The following TBC1D5 variants were observed in gnomAD, a reference collection of about 807,000 sequenced individuals.
TBC1D5 encodes TBC1 domain family, member 5.
In TBC1D5, 75 loss-of-function variants were observed where a neutral mutation model predicts 100.3. The observed-to-expected ratio is 0.75, with a 90% CI of 0.62 to 0.91. The LOEUF (loss-of-function observed/expected upper bound fraction) is 0.91. TBC1D5 is among the 40% of genes least tolerant of loss of function. TBC1D5 has a pLI of 0.00. For missense variants in TBC1D5, 910 were observed against 942.4 expected, an observed-to-expected ratio of 0.97 and a Z score of 0.45; for synonymous variants, 323 against 325.6, an observed-to-expected ratio of 0.99 and a Z score of 0.09.
At chr3:17,699,546 T>TA (rs1374848315) in intron 1 of TBC1D5, among the ~76,000 whole-genome samples, 24 of 91,424 alleles carry the variant, frequency 2.6e-4, no homozygotes, top group Non-Finnish European at 4.8e-4. Flanking sequence ...AGTATAATAA[T>TA]AATAAATAGA....
At chr3:17,588,617 C>A (rs1384187006) in intron 2 of TBC1D5, among the ~76,000 whole-genome samples, 1 of 152,052 alleles carries the variant, frequency 6.6e-6, no homozygotes, top group Non-Finnish European at 1.5e-5. Context: ...CCTCTTTTTT[C>A]TGCTGACTGT....
intron 2 of TBC1D5, among the ~76,000 whole-genome samples, chr3:17,527,854 A>T (rs935194186): frequency 2.6e-5 from 4 of 152,226 alleles, no homozygotes; most frequent in Non-Finnish European, 5.9e-5. Context: ...ATAAGCACAT[A>T]AGCAAAATGA....
At chr3:17,429,243 T>C (rs540058082) in intron 3 of TBC1D5, among the ~76,000 whole-genome samples, 37 of 151,978 alleles carry the variant, frequency 2.4e-4, no homozygotes, top group Middle Eastern at 3.4e-3. Flanking sequence ...GACTACAGAA[T>C]AAAAGTAAAT....
At chr3:17,259,586 TTCC>T in intron 15 of TBC1D5, among the ~76,000 whole-genome samples, 1 of 152,144 alleles carries the variant, frequency 6.6e-6, no homozygotes, top group African/African-American at 2.4e-5. Flanking sequence ...AGGCATGCAC[TTCC>T]TTTGAGATAC....
At chr3:17,450,587 T>C (rs979088543) in intron 3 of TBC1D5, among the ~76,000 whole-genome samples, 4 of 152,094 alleles carry the variant, frequency 2.6e-5, no homozygotes, top group African/African-American at 9.7e-5. Context: ...TCGTGAAGCA[T>C]ACACAAGTAT....
chr3:17,228,968 A>G (rs1347552058), intron 17 of TBC1D5, among the ~76,000 whole-genome samples: 3 of 152,260 alleles, frequency 2.0e-5, no homozygotes, highest in Admixed American at 6.5e-5. Flanking sequence ...ACCATGTCCC[A>G]TGAATAATAT....
At chr3:17,502,424 C>A (rs1247365206) in intron 3 of TBC1D5, among the ~76,000 whole-genome samples, 1 of 149,334 alleles carries the variant, frequency 6.7e-6, no homozygotes, top group Non-Finnish European at 1.5e-5. Context: ...TTTCCTTCTA[C>A]TTCTCCAGCC....
At chr3:17,538,391 T>C (rs1007111039) in intron 2 of TBC1D5, among the ~76,000 whole-genome samples, 2 of 152,054 alleles carry the variant, frequency 1.3e-5, no homozygotes, top group African/African-American at 4.8e-5. Context: ...AGGGAAAAAC[T>C]CCTCAAGTGA....
intron 1 of TBC1D5, among the ~76,000 whole-genome samples, chr3:17,634,290 C>T (rs532398621): frequency 1.3e-5 from 2 of 152,322 alleles, no homozygotes; most frequent in South Asian, 4.1e-4. Flanking sequence ...TGTTACAACA[C>T]TGTTCATGAT....
At chr3:17,414,718 G>C (rs2094020248) in intron 4 of TBC1D5, among the ~76,000 whole-genome samples, 1 of 152,060 alleles carries the variant, frequency 6.6e-6, no homozygotes, top group African/African-American at 2.4e-5. Context: ...TTAAATCACA[G>C]GTAATGAGGG....
rs747565213 is a variant in TBC1D5, at chr3:17,335,355, G to A, written c.996-27221C>T. Among the ~76,000 whole-genome samples the A allele has an allele frequency of 2.6e-5, 4 of 152,168 alleles. No homozygotes were observed. In the South Asian group the frequency reaches 8.3e-4, roughly 32 times the overall value. Reference sequence around the variant, plus strand: ...TGTATATTTTATAGGTGACACCTTTGCATTGCTACTTCCATAATGCTGGGA... The same window carrying A: ...TGTATATTTTATAGGTGACACCTTTACATTGCTACTTCCATAATGCTGGGA... On this transcript the variant is annotated intron_variant, in intron 13 of 21. Transcript: ENST00000253692.
intron 16 of TBC1D5, among the ~76,000 whole-genome samples, chr3:17,243,523 A>G (rs1272696816): frequency 6.6e-6 from 1 of 152,192 alleles, no homozygotes; most frequent in Non-Finnish European, 1.5e-5. Context: ...TAAAAACAGT[A>G]GTAAGAGCAA....
chr3:17,455,330 A>G (rs974769296), intron 3 of TBC1D5, among the ~76,000 whole-genome samples: 2 of 143,720 alleles, frequency 1.4e-5, no homozygotes, highest in African/African-American at 5.3e-5. Flanking sequence ...ATATGTGTAT[A>G]TATGTATATG....
chr3:17,482,961 G>C (rs1439722610), intron 3 of TBC1D5, among the ~76,000 whole-genome samples: 1 of 152,086 alleles, frequency 6.6e-6, no homozygotes, highest in Non-Finnish European at 1.5e-5. Context: ...CAGATGTTTT[G>C]TTTGTATCAG....
intron 1 of TBC1D5, among the ~76,000 whole-genome samples, chr3:17,691,613 T>C (rs7630381): frequency 0.055 from 8,321 of 152,190 alleles, 698 homozygotes; most frequent in African/African-American, 0.18. Context: ...GGTCAAGAGA[T>C]GGAGACCATC....
At position 17,705,438 on chromosome 3, in the gene TBC1D5, CTCACT is replaced by C. The variant is rs1466477679; in HGVS notation, c.-101+33900_-101+33904del. Among the ~76,000 whole-genome samples, 3 of 148,038 alleles carry C rather than the reference CTCACT, an allele frequency of 2.0e-5. No individual in the cohort carries two copies. The East Asian group carries it at 6.4e-4, about 32-fold the overall frequency. On this transcript the variant is annotated intron_variant, in intron 1 of 21. Transcript: ENST00000253692. ...GGGTGGCTGCCGGGCGGAGAGGCTCCTCACTTCTCAGACGGGGCAGCTGTCGGGCG... is the reference window on the plus strand; with the variant it reads ...GGGTGGCTGCCGGGCGGAGAGGCTCCTCTCAGACGGGGCAGCTGTCGGGCG...
intron 1 of TBC1D5, among the ~76,000 whole-genome samples, chr3:17,721,479 G>A (rs2075698220): frequency 6.6e-6 from 1 of 151,986 alleles, no homozygotes; most frequent in African/African-American, 2.4e-5. Flanking sequence ...GTGTGTGTGT[G>A]TGTGTGTGTT....
At position 17,404,986 on chromosome 3, in the gene TBC1D5, T is replaced by G. The variant is rs756125157; in HGVS notation, c.277-25A>C. 35 of 1,465,630 alleles carry G rather than the reference T, an allele frequency of 2.4e-5. No homozygotes were observed. The South Asian group carries it at 4.2e-4, about 17-fold the overall frequency. 90.8% of individuals were successfully genotyped at this position (1,465,630 alleles called of 1,614,324 possible). On this transcript the variant is annotated intron_variant, in intron 5 of 21. Transcript: ENST00000253692. The stretch of plus-strand genomic sequence containing the variant: ...GCTGTCAAGAAAAACAGAAGAAACT[T>G]TTGTAAAAATCTTAAGATATAAAAT...
chr3:17,569,161 CAG>C (rs2096611286), intron 2 of TBC1D5, among the ~76,000 whole-genome samples: 1 of 151,700 alleles, frequency 6.6e-6, no homozygotes, highest in African/African-American at 2.4e-5. Context: ...AATCTGCAAA[CAG>C]AGAATAATCA....
Sources: gnomAD v4.1 joint callset for allele counts (sites outside exome capture counted in the v4.1 genomes callset) on GRCh38, gnomAD v4.1.1 for gene constraint, MANE v1.5 for transcripts, NCBI Gene and HGNC (gene_info 2026-07-23, HGNC 2026-07-21) for gene names.